Variants in CNTNAP5 observed in about 807,000 individuals in gnomAD.
The protein encoded by CNTNAP5 is contactin associated protein family member 5.
In CNTNAP5, 72 loss-of-function variants were observed where a neutral mutation model predicts 150.2. That is an observed-to-expected ratio of 0.48 (90% CI 0.40 to 0.58). The LOEUF is 0.58. CNTNAP5 is among the 20% of genes least tolerant of loss of function. The probability of loss-of-function intolerance (pLI) is 0.00; values close to 1 mark genes in which losing one functional copy is unlikely to be tolerated. For synonymous variants in CNTNAP5, 672 were observed against 619.8 expected (o/e 1.08, Z -1.25); for missense variants, 1,636 against 1,626.2 (o/e 1.01, Z -0.10).
chr2:124,420,955 C>T (rs766328911), intron 4 of CNTNAP5, among the ~76,000 whole-genome samples: 2 of 152,206 alleles, frequency 1.3e-5, no homozygotes, highest in Non-Finnish European at 1.5e-5. Context: ...TTCCAAGAAG[C>T]CCAATTCAGT....
At chr2:124,204,820 A>C (rs967107930) in intron 1 of CNTNAP5, among the ~76,000 whole-genome samples, 2 of 152,142 alleles carry the variant, frequency 1.3e-5, no homozygotes, top group African/African-American at 4.8e-5. Context: ...ATGGGGAGCT[A>C]CAAATCAAGA....
chr2:124,212,613 C>T (rs1335158384), intron 1 of CNTNAP5, among the ~76,000 whole-genome samples: 2 of 152,070 alleles, frequency 1.3e-5, no homozygotes, highest in African/African-American at 4.8e-5. Context: ...TTATTCATAA[C>T]CTTAAAAGTT....
At chr2:124,219,736 A>G (rs1341906788) in intron 1 of CNTNAP5, among the ~76,000 whole-genome samples, 1 of 152,154 alleles carries the variant, frequency 6.6e-6, no homozygotes, top group Non-Finnish European at 1.5e-5. Flanking sequence ...TGATTATTAT[A>G]TGTTTTTTTC....
At chr2:124,446,523 G>GA (rs1314669470) in intron 5 of CNTNAP5, among the ~76,000 whole-genome samples, 2 of 152,054 alleles carry the variant, frequency 1.3e-5, no homozygotes, top group Non-Finnish European at 2.9e-5. Flanking sequence ...TTCAAGTCTT[G>GA]AAAACATGCC....
intron 1 of CNTNAP5, among the ~76,000 whole-genome samples, chr2:124,149,325 C>CA (rs549905185): frequency 2.4e-4 from 30 of 122,542 alleles, no homozygotes; most frequent in Non-Finnish European, 4.3e-4. Flanking sequence ...CATATTATTA[C>CA]AAAAAAAGGA....
At chr2:124,206,106 C>G (rs971388220) in intron 1 of CNTNAP5, among the ~76,000 whole-genome samples, 2 of 152,206 alleles carry the variant, frequency 1.3e-5, no homozygotes, top group South Asian at 2.1e-4. Context: ...TAGAATGGAT[C>G]AACCAAGTGT....
At chr2:124,789,039 T>C (rs1180675408) in intron 17 of CNTNAP5, among the ~76,000 whole-genome samples, 1 of 152,210 alleles carries the variant, frequency 6.6e-6, no homozygotes, top group Non-Finnish European at 1.5e-5. Context: ...TCAATATGGC[T>C]AATCAGCAAG....
chr2:124,424,576 T>C (rs927700852), intron 4 of CNTNAP5, among the ~76,000 whole-genome samples: 2 of 152,196 alleles, frequency 1.3e-5, no homozygotes, highest in Admixed American at 1.3e-4. Flanking sequence ...ATCTCTTCTA[T>C]GAAGAGACAA....
chr2:124,124,068 G>GT (rs373609980), intron 1 of CNTNAP5, among the ~76,000 whole-genome samples: 25 of 152,332 alleles, frequency 1.6e-4, no homozygotes, highest in African/African-American at 5.5e-4. Flanking sequence ...ATTTTGACAA[G>GT]TTGAGAGAAG....
At position 124,723,789 on chromosome 2, in the gene CNTNAP5, C is replaced by T. The variant is rs534641468; in HGVS notation, c.2078-23440C>T. On this transcript the variant is annotated intron_variant, in intron 13 of 23. Transcript: ENST00000682447. ...TTCATCTTCCATTCTTACAAGGACACGAGCCAAATTGGATTTGAACCCGCC... is the reference window on the plus strand; with the variant it reads ...TTCATCTTCCATTCTTACAAGGACATGAGCCAAATTGGATTTGAACCCGCC... 5.9e-5 allele frequency among the ~76,000 whole-genome samples: 9 copies of T among 152,206 alleles called. No homozygotes were observed. In the East Asian group the frequency reaches 7.7e-4, roughly 13 times the overall value.
intron 11 of CNTNAP5, among the ~76,000 whole-genome samples, chr2:124,571,900 G>A (rs559374962): frequency 3.4e-4 from 52 of 152,052 alleles, no homozygotes; most frequent in African/African-American, 1.3e-3. Context: ...CAATAAGGGG[G>A]AAAAATGAAA....
intron 1 of CNTNAP5, among the ~76,000 whole-genome samples, chr2:124,164,695 A>G (rs1684769355): frequency 6.6e-6 from 1 of 152,182 alleles, no homozygotes; most frequent in Non-Finnish European, 1.5e-5. Flanking sequence ...GAGAGAGGCC[A>G]AGGACAGATT....
At chr2:124,690,595 C>A (rs1276505308) in intron 13 of CNTNAP5, among the ~76,000 whole-genome samples, 1 of 152,062 alleles carries the variant, frequency 6.6e-6, no homozygotes, top group Non-Finnish European at 1.5e-5. Flanking sequence ...TGTGACCCTG[C>A]TCCCTGCTGG....
In CNTNAP5 at chr2:124,487,551, C is replaced by T. The variant is rs144898664; in HGVS notation, c.1062+12669C>T. Among the ~76,000 whole-genome samples, 426 of 152,144 alleles carry T rather than the reference C, an allele frequency of 2.8e-3. 2 individuals carry two copies. Among genetic ancestry groups the T allele is most frequent in the Non-Finnish European group, 4.6e-4 (31 of 67,988 alleles). ...GATCTTTGTTACAGAAACTTCAATGCTAGCTTCCCAAGGTAAATGGAAGAT... is the reference window on the plus strand; with the variant it reads ...GATCTTTGTTACAGAAACTTCAATGTTAGCTTCCCAAGGTAAATGGAAGAT... On this transcript the variant is annotated intron_variant, in intron 7 of 23. Transcript: ENST00000682447.
chr2:124,528,807 A>G (rs140852276), intron 10 of CNTNAP5, among the ~76,000 whole-genome samples: 1 of 152,192 alleles, frequency 6.6e-6, no homozygotes, highest in East Asian at 1.9e-4. Flanking sequence ...CTCAAGAAGA[A>G]GTGAGAAAGG....
At chr2:124,514,912 AGGG>A (rs1175403790) in intron 8 of CNTNAP5, among the ~76,000 whole-genome samples, 1 of 152,208 alleles carries the variant, frequency 6.6e-6, no homozygotes, top group Admixed American at 6.5e-5. Flanking sequence ...TGGAGAGAAT[AGGG>A]AAATAACTCT....
chr2:124,527,345 G>T lies in CNTNAP5; in HGVS notation c.1538G>T (p.Cys513Phe). The T allele has an allele frequency of 6.2e-7, 1 of 1,613,592 alleles. No homozygotes were observed. Among genetic ancestry groups the T allele is most frequent in the Middle Eastern group, 1.7e-4 (1 of 6,058 alleles). The part of the protein sequence containing the change: ...CLNPIKAFQG[C>F]MRLIFIDNQP... ...AATCCCATTAAGGCTTTCCAAGGCT[G>T]CATGAGGCTCATCTTTATTGATAAC... The change falls in exon 10 of 24, where the codon TGC (cysteine) becomes TTC (phenylalanine). Residue 513 changes from cysteine to phenylalanine, a missense_variant. Transcript: ENST00000682447.
intron 19 of CNTNAP5, among the ~76,000 whole-genome samples, chr2:124,803,884 T>C (rs564082772): frequency 6.6e-6 from 1 of 152,246 alleles, no homozygotes; most frequent in East Asian, 1.9e-4. Context: ...CAAAGTGTAA[T>C]GCTGCCTCCA....
chr2:124,175,603 T>TCC (rs1016760999), intron 1 of CNTNAP5, among the ~76,000 whole-genome samples: 2 of 152,098 alleles, frequency 1.3e-5, no homozygotes, highest in African/African-American at 4.8e-5. Flanking sequence ...ACCCAAGTAG[T>TCC]CCCCATTCTC....
Sources: gnomAD v4.1 joint callset for allele counts (sites outside exome capture counted in the v4.1 genomes callset) on GRCh38, gnomAD v4.1.1 for gene constraint, MANE v1.5 for transcripts, NCBI Gene and HGNC (gene_info 2026-07-23, HGNC 2026-07-21) for gene names.